The following TIMP2 variants were observed in gnomAD, a reference collection of about 807,000 sequenced individuals.
The protein encoded by TIMP2 is metalloproteinase inhibitor 2.
Under a neutral mutation model 24.3 loss-of-function variants are expected in TIMP2, and 5 were observed. The observed-to-expected ratio is 0.21, with a 90% CI of 0.11 to 0.43. The LOEUF (loss-of-function observed/expected upper bound fraction) is 0.43. Among genes scored for constraint, TIMP2 ranks in the 20% least tolerant of loss-of-function variants. The probability of loss-of-function intolerance (pLI) is 1.00; values close to 1 mark genes in which losing one functional copy is unlikely to be tolerated. For synonymous variants in TIMP2, 130 were observed against 123.2 expected (o/e 1.06, Z -0.37); for missense variants, 221 against 297.5 (o/e 0.74, Z 1.89).
At chr17:78,856,322 G>T (rs2069524637) in intron 4 of TIMP2, 1 of 173,588 alleles carries the variant, frequency 5.8e-6, no homozygotes, top group African/African-American at 2.4e-5. Context: ...ACCGTGGAAA[G>T]AAAAAGGAAA....
intron 2 of TIMP2, among the ~76,000 whole-genome samples, chr17:78,872,136 A>T (rs1599149870): frequency 2.0e-5 from 3 of 148,772 alleles, no homozygotes; most frequent in African/African-American, 7.4e-5. Flanking sequence ...CTATAGGCGC[A>T]TGCCACCATG....
intron 2 of TIMP2, 22 bp from the exon 3 acceptor site, chr17:78,871,028 C>A (rs2069678379): frequency 6.2e-7 from 1 of 1,600,012 alleles, no homozygotes. Flanking sequence ...AGGAGGAGGA[C>A]ATGTAAGCAG....
intron 3 of TIMP2, among the ~76,000 whole-genome samples, chr17:78,858,987 T>C (rs1239628924): frequency 1.3e-5 from 2 of 152,198 alleles, no homozygotes; most frequent in African/African-American, 4.8e-5. Flanking sequence ...GCCAATATTC[T>C]CTTCTATGTG....
At position 78,891,123 on chromosome 17, in the gene TIMP2, C is replaced by T. The variant is rs1357464759; in HGVS notation, c.131-17204G>A. ...TCAGTGCTATACAATAATGAGTCCT[C>T]TTTGTTGATAAATATACCTGCCTCG... On this transcript the variant is annotated intron_variant, in intron 1 of 4. Transcript: ENST00000262768. The surrounding 1 kb of genome is among the most constrained non-coding windows in gnomAD (Gnocchi z 4.5). 1 of 1,550,770 alleles carries T rather than the reference C, an allele frequency of 6.4e-7. No individual in the cohort carries two copies. The highest frequency in any genetic ancestry group is 2.0e-5 in the Admixed American group (1 of 51,002).
In TIMP2 at chr17:78,870,941, C is replaced by A. The variant is rs758124998; in HGVS notation, c.297G>T (p.Gly99=). 6.2e-7 allele frequency: 1 copy of A among 1,613,958 alleles called. No homozygotes were observed. Among genetic ancestry groups the A allele is most frequent in the Non-Finnish European group, 8.5e-7 (1 of 1,179,962 alleles). The stretch of plus-strand genomic sequence containing the variant: ...TCTTTCCTCCAACGTCCAGCGAGAC[C>A]CCACACACTGCCGAGGAGGGGGCCG... The part of the protein sequence containing the change: ...IYTAPSSAVC[G]VSLDVGGKKE... The change falls in exon 3 of 5, where the codon GGG becomes GGT. Residue 99 remains glycine (G), a synonymous_variant. Transcript: ENST00000262768.
At chr17:78,882,113 C>T (rs1413510464) in intron 1 of TIMP2, among the ~76,000 whole-genome samples, 3 of 152,160 alleles carry the variant, frequency 2.0e-5, no homozygotes, top group Admixed American at 6.5e-5. Context: ...TACAGGTGCC[C>T]GCCACCATGC....
chr17:78,905,847 C>G (rs1405153561), intron 1 of TIMP2, among the ~76,000 whole-genome samples: 1 of 152,226 alleles, frequency 6.6e-6, no homozygotes, highest in Non-Finnish European at 1.5e-5. Context: ...CACATATTAG[C>G]AAATGCTAGC....
intron 3 of TIMP2, among the ~76,000 whole-genome samples, chr17:78,858,764 A>G (rs1411729993): frequency 2.6e-5 from 4 of 152,126 alleles, no homozygotes; most frequent in African/African-American, 9.7e-5. Context: ...CGCTCAAGCA[A>G]TACCCCCACT....
intron 3 of TIMP2, among the ~76,000 whole-genome samples, chr17:78,870,433 G>A (rs111936444): frequency 0.67 from 90,206 of 133,986 alleles, 30,099 homozygotes; most frequent in Admixed American, 0.74. Flanking sequence ...AAGAAAGAAA[G>A]AAAGAAAGAA....
intron 1 of TIMP2, among the ~76,000 whole-genome samples, chr17:78,893,629 GTGTGTA>G (rs1279416994): frequency 2.0e-5 from 3 of 152,030 alleles, no homozygotes; most frequent in South Asian, 2.1e-4. Context: ...GCATGTCGGT[GTGTGTA>G]TGTGTATGTG....
At chr17:78,894,190 C>A (rs1403836349) in intron 1 of TIMP2, among the ~76,000 whole-genome samples, 1 of 151,030 alleles carries the variant, frequency 6.6e-6, no homozygotes, top group African/African-American at 2.4e-5. Context: ...ATACGAAGCT[C>A]CTACCCCCCC....
At chr17:78,908,241 A>C (rs1599173861) in intron 1 of TIMP2, among the ~76,000 whole-genome samples, 1 of 152,244 alleles carries the variant, frequency 6.6e-6, no homozygotes, top group East Asian at 1.9e-4. Flanking sequence ...AGGTGTTTCT[A>C]ACGTTTCCGT....
chr17:78,923,036 C>T (rs2070319444), intron 1 of TIMP2, among the ~76,000 whole-genome samples: 1 of 152,134 alleles, frequency 6.6e-6, no homozygotes, highest in African/African-American at 2.4e-5. Context: ...TAAGCCCTCC[C>T]ATTTGTGGTA....
chr17:78,897,889 C>T (rs545508280), intron 1 of TIMP2: 7 of 152,298 alleles, frequency 4.6e-5, no homozygotes, highest in South Asian at 4.1e-4. Context: ...CCTGGAGACA[C>T]GGAAATGGGT....
At chr17:78,909,028 G>T (rs1440009486) in intron 1 of TIMP2, among the ~76,000 whole-genome samples, 1 of 152,152 alleles carries the variant, frequency 6.6e-6, no homozygotes, top group African/African-American at 2.4e-5. Context: ...TCATGTGTGT[G>T]CGTGTCCATC....
intron 1 of TIMP2, among the ~76,000 whole-genome samples, chr17:78,875,271 C>T (rs1338411952): frequency 6.6e-6 from 1 of 152,102 alleles, no homozygotes; most frequent in African/African-American, 2.4e-5. Flanking sequence ...GCAGGCACAG[C>T]TGGCAGACCC....
At chr17:78,917,469 T>A (rs1227429442) in intron 1 of TIMP2, among the ~76,000 whole-genome samples, 1 of 152,198 alleles carries the variant, frequency 6.6e-6, no homozygotes, top group Non-Finnish European at 1.5e-5. Context: ...GCCATAGTAT[T>A]TCTGTGTACG....
At chr17:78,901,950 A>G in intron 1 of TIMP2, 1 of 598,380 alleles carries the variant, frequency 1.7e-6, no homozygotes, top group Non-Finnish European at 3.1e-6. Context: ...AACCAAGCCC[A>G]GATAAAACAA....
chr17:78,906,104 C>T (rs2070155972), intron 1 of TIMP2, among the ~76,000 whole-genome samples: 1 of 152,194 alleles, frequency 6.6e-6, no homozygotes, highest in Non-Finnish European at 1.5e-5. Context: ...GGGGCAGTGG[C>T]TCACGCCTGT....
Sources: allele counts gnomAD v4.1 joint callset (sites outside exome capture counted in the v4.1 genomes callset), GRCh38; gene constraint gnomAD v4.1.1; non-coding constraint Gnocchi (gnomAD v3.1); transcripts MANE v1.5; gene names NCBI Gene and HGNC (gene_info 2026-07-23, HGNC 2026-07-21).